HEATR5B: variants seen among roughly 807,000 people sequenced by gnomAD.
The protein encoded by HEATR5B is HEAT repeat containing 5B, also known as HEAT repeat-containing protein 5B.
A neutral mutation model predicts 224.1 loss-of-function variants in HEATR5B; 156 were observed. That is an observed-to-expected ratio of 0.70 (90% confidence interval 0.61 to 0.80). The LOEUF (loss-of-function observed/expected upper bound fraction) is 0.80. Among genes scored for constraint, HEATR5B ranks in the 30% least tolerant of loss-of-function variants. The pLI, the probability that HEATR5B is intolerant of heterozygous loss-of-function variation, is 0.00. For missense variants in HEATR5B, 2,323 were observed against 2,535.5 expected, an observed-to-expected ratio of 0.92 and a Z score of 1.80; for synonymous variants, 1,027 against 893.0, an observed-to-expected ratio of 1.15 and a Z score of -2.68.
chr2:37,019,892 A>G lies in HEATR5B; in HGVS notation c.4036-15T>C, dbSNP rs201101895. On this transcript the variant is annotated splice_polypyrimidine_tract_variant and intron_variant, in intron 25 of 35. Transcript: ENST00000233099. ...GCAGCTCCCACCTAGAAAAATAAAT[A>G]AAGCATTTTATTTTTTACTTTTATT... The G allele has an allele frequency of 8.3e-6, 13 of 1,561,290 alleles. No homozygotes were observed. The East Asian group carries it at 2.9e-4, about 35-fold the overall frequency.
At chr2:36,988,257 G>C (rs2247357) in intron 35 of HEATR5B, among the ~76,000 whole-genome samples, 2 of 151,424 alleles carry the variant, frequency 1.3e-5, no homozygotes, top group Non-Finnish European at 2.9e-5. Context: ...CAAAGGCCTG[G>C]TTTTTTTTCT....
intron 2 of HEATR5B, among the ~76,000 whole-genome samples, chr2:37,080,970 A>G (rs1164324023): frequency 6.6e-6 from 1 of 152,200 alleles, no homozygotes; most frequent in Non-Finnish European, 1.5e-5. Context: ...ACAGATATTC[A>G]TATTATGCTT....
intron 24 of HEATR5B, among the ~76,000 whole-genome samples, chr2:37,021,243 G>A (rs952626391): frequency 2.0e-5 from 3 of 152,174 alleles, no homozygotes; most frequent in African/African-American, 4.8e-5. Context: ...GTTAAGCTTG[G>A]GAACTGAGTC....
At chr2:37,028,611 A>G in intron 23 of HEATR5B, 70 bp downstream of exon 23, 2 of 1,228,844 alleles carry the variant, frequency 1.6e-6, no homozygotes, top group Non-Finnish European at 2.3e-6. Flanking sequence ...ATCTTTATAC[A>G]TATATCTATA....
At position 37,013,981 on chromosome 2, in the gene HEATR5B, G is replaced by C; in HGVS notation, c.4144C>G (p.Leu1382Val). The change falls in exon 27 of 36, where the codon CTC (leucine) becomes GTC (valine). Residue 1382 changes from leucine (L) to valine (V), a missense_variant. Physicochemically the swap from Leu to Val is conservative, Grantham distance 32. This residue lies in a region of HEATR5B where 339 missense variants were observed against 378.4 expected (regional missense o/e 0.90). Coordinates refer to ENST00000233099, the MANE Select transcript of HEATR5B (RefSeq NM_019024.3). Reference sequence around the variant, plus strand: ...TTGTGTACTCGACGGAGATCATTGAGATCACTGACAACTCCACTTCCTATC... The same window carrying C: ...TTGTGTACTCGACGGAGATCATTGACATCACTGACAACTCCACTTCCTATC... ...TWIGSGVVSDLNDLRRVHNLL... is the reference protein window; with the variant it reads ...TWIGSGVVSDVNDLRRVHNLL... 1 of 1,607,582 alleles carries C rather than the reference G, an allele frequency of 6.2e-7. No individual in the cohort carries two copies. The highest frequency in any genetic ancestry group is 2.2e-5 in the East Asian group (1 of 44,660).
intron 27 of HEATR5B, 110 bp from the exon 28 acceptor site, chr2:37,008,958 T>C: frequency 1.2e-6 from 1 of 800,894 alleles, no homozygotes; most frequent in Non-Finnish European, 2.0e-6. Flanking sequence ...TGGGTATAGA[T>C]ATTAGAAAGT....
intron 27 of HEATR5B, among the ~76,000 whole-genome samples, chr2:37,011,430 G>A (rs1486867266): frequency 1.3e-5 from 2 of 152,022 alleles, no homozygotes; most frequent in East Asian, 1.9e-4. Flanking sequence ...AAGACTTTAC[G>A]GTCTATGTAT....
intron 9 of HEATR5B, 130 bp downstream of exon 9, chr2:37,065,625 A>C (rs1671542347): frequency 4.9e-6 from 4 of 817,286 alleles, no homozygotes; most frequent in Non-Finnish European, 7.6e-6. Context: ...AATGAATATT[A>C]ATTTAAGTAA....
chr2:36,989,899 C>CTTTTTTTTTTT (rs766148486), intron 34 of HEATR5B, among the ~76,000 whole-genome samples: 3 of 88,904 alleles, frequency 3.4e-5, no homozygotes, highest in African/African-American at 9.5e-5. Flanking sequence ...AGAATGTTTC[C>CTTTTTTTTTTT]TTTTTTTTTT....
chr2:36,989,739 C>A (rs1180760924), intron 34 of HEATR5B, among the ~76,000 whole-genome samples: 1 of 151,938 alleles, frequency 6.6e-6, no homozygotes, highest in Non-Finnish European at 1.5e-5. Flanking sequence ...ATATGGGACA[C>A]AGTGGAAGAA....
intron 26 of HEATR5B, among the ~76,000 whole-genome samples, chr2:37,014,222 C>T (rs1167644121): frequency 1.3e-5 from 2 of 152,008 alleles, no homozygotes; most frequent in African/African-American, 2.4e-5. Flanking sequence ...AGCGGAGTGG[C>T]GTGATCTCGG....
rs750248993 is a variant in HEATR5B at position 36,988,704 on chromosome 2, C to T, written c.5853G>A (p.Ala1951=). ...CAAGAACTTTTATTCCTTCTTGAACCGCTAAAAGCTCTATGTTACTGGCTG... is the reference window on the plus strand; with the variant it reads ...CAAGAACTTTTATTCCTTCTTGAACTGCTAAAAGCTCTATGTTACTGGCTG... ...NRPASNIELL[A]VQEGIKVLET... is the part of the protein sequence containing the mutation. The change falls in exon 35 of 36, where the codon GCG becomes GCA. Residue 1951 remains alanine, a synonymous_variant. Transcript: ENST00000233099. 1.9e-5 allele frequency: 30 copies of T among 1,613,900 alleles called. No individual in the cohort carries two copies. Among genetic ancestry groups the T allele is most frequent in the Middle Eastern group, 1.6e-4 (1 of 6,084 alleles).
chr2:37,009,830 C>T lies in HEATR5B; in HGVS notation c.4285-982G>A, dbSNP rs117756482. The stretch of plus-strand genomic sequence containing the variant: ...GGGTATAACTCTGTTTCTGCCTCCA[C>T]CTTCCTAGACTTATTAGACAACCAG... On this transcript the variant is annotated intron_variant, in intron 27 of 35. Transcript: ENST00000233099. Among the ~76,000 whole-genome samples the T allele has an allele frequency of 2.1e-4, 31 of 150,966 alleles. No individual in the cohort carries two copies. The East Asian group carries it at 4.3e-3, about 21-fold the overall frequency.
chr2:37,007,626 C>T (rs1667516878), intron 28 of HEATR5B, among the ~76,000 whole-genome samples: 2 of 152,172 alleles, frequency 1.3e-5, no homozygotes, highest in South Asian at 2.1e-4. Context: ...TGTGCCACTG[C>T]ACCCGGCCAA....
chr2:37,021,882 G>C (rs999097361), intron 24 of HEATR5B, among the ~76,000 whole-genome samples: 2 of 87,882 alleles, frequency 2.3e-5, no homozygotes, highest in Non-Finnish European at 4.2e-5. Context: ...GTGAGACCCT[G>C]TTTCAAAAAA....
chr2:36,989,269 A>G (rs1666161726), intron 34 of HEATR5B, among the ~76,000 whole-genome samples: 1 of 152,148 alleles, frequency 6.6e-6, no homozygotes, highest in South Asian at 2.1e-4. Flanking sequence ...TATTTTTAGT[A>G]GAGACGGGGT....
At position 37,041,156 on chromosome 2, in the gene HEATR5B, C is replaced by A; in HGVS notation, c.2833G>T (p.Asp945Tyr). The change falls in exon 19 of 36, where the codon GAT becomes TAT. Residue 945 changes from aspartate (D) to tyrosine (Y), a missense_variant. By Grantham distance (160) the Asp-to-Tyr change is radical (BLOSUM62 -3). Around this residue, in one of 12 missense-constraint regions of HEATR5B, gnomAD observed 44 missense variants for 39.0 expected, o/e 1.13. Coordinates refer to ENST00000233099, the MANE Select transcript of HEATR5B (RefSeq NM_019024.3). ...SVSILLALAQDGTSPEVQTWS... is the reference protein window; with the variant it reads ...SVSILLALAQYGTSPEVQTWS... ...ACCTGGACTTCAGGGGATGTCCCAT[C>A]TTGTGCTAGAGCCAATAAAATGCTG... 1.9e-6 allele frequency: 3 copies of A among 1,614,018 alleles called. No homozygotes were observed. In the South Asian group the frequency reaches 3.3e-5, roughly 18 times the overall value.
intron 33 of HEATR5B, among the ~76,000 whole-genome samples, chr2:36,999,116 G>C (rs1572763144): frequency 1.3e-5 from 2 of 152,126 alleles, no homozygotes; most frequent in East Asian, 3.9e-4. Context: ...AGGAGGCTGA[G>C]GCAGGAGAAT....
At position 37,057,436 on chromosome 2, in the gene HEATR5B, A is replaced by T. The variant is rs1284522190; in HGVS notation, c.2104T>A (p.Leu702Met). 6.2e-7 allele frequency: 1 copy of T among 1,611,356 alleles called. No individual in the cohort carries two copies. The highest frequency in any genetic ancestry group is 2.2e-5 in the East Asian group (1 of 44,704). ...GTTGTGTTGGCTGAGTTGTCAGTCA[A>T]AGTGAATTCCGCTACCAGTTCTCTA... ...LLRELVAEFT[L>M]TDNSANTTTS... The change falls in exon 15 of 36, where the codon TTG becomes ATG. Residue 702 changes from leucine (L) to methionine (M), a missense_variant. By Grantham distance (15) the Leu-to-Met change is conservative. This residue lies in a region of HEATR5B where 502 missense variants were observed against 517.8 expected (regional missense o/e 0.97). Transcript: ENST00000233099.
Sources: allele counts gnomAD v4.1 joint callset (sites outside exome capture counted in the v4.1 genomes callset), GRCh38; gene constraint gnomAD v4.1.1; regional missense constraint gnomAD v4.1.1; transcripts MANE v1.5; gene names NCBI Gene and HGNC (gene_info 2026-07-23, HGNC 2026-07-21).